The following TNNI3K variants were observed in gnomAD, a reference collection of about 807,000 sequenced individuals.
TNNI3K encodes serine/threonine-protein kinase TNNI3K.
In TNNI3K, 140 loss-of-function variants were observed where a neutral mutation model predicts 114.5. The observed-to-expected ratio is 1.22, with a 90% CI of 1.07 to 1.41. TNNI3K has a LOEUF of 1.41. Among genes scored for constraint, TNNI3K ranks in the 40% most tolerant of loss-of-function variants. TNNI3K has a pLI of 0.00. For missense variants in TNNI3K, 1,125 were observed against 1,007.6 expected, an observed-to-expected ratio of 1.12 and a Z score of -1.58; for synonymous variants, 347 against 347.5, an observed-to-expected ratio of 1.00 and a Z score of 0.02.
At chr1:74,445,176 G>C (rs941022778) in intron 20 of TNNI3K, among the ~76,000 whole-genome samples, 1 of 151,210 alleles carries the variant, frequency 6.6e-6, no homozygotes, top group African/African-American at 2.4e-5. Context: ...AGCAAAAATT[G>C]ACAAACGTGA....
At chr1:74,470,183 G>A (rs1055697960) in intron 21 of TNNI3K, 9 of 400,514 alleles carry the variant, frequency 2.2e-5, no homozygotes, top group Non-Finnish European at 4.0e-5. Flanking sequence ...TGGGTTTCAT[G>A]GGAACTTGTG....
intron 5 of TNNI3K, among the ~76,000 whole-genome samples, chr1:74,314,045 T>TTATACATATA (rs1659148262): frequency 1.6e-4 from 1 of 6,352 alleles, no homozygotes; most frequent in African/African-American, 2.1e-4. Context: ...AGAAAGTTCA[T>TTATACATATA]TATATATATA....
chr1:74,410,419 C>A (rs904548954), intron 17 of TNNI3K, among the ~76,000 whole-genome samples: 1 of 152,162 alleles, frequency 6.6e-6, no homozygotes. Flanking sequence ...TTCCACTACT[C>A]CAGGCTCCCT....
intron 21 of TNNI3K, among the ~76,000 whole-genome samples, chr1:74,487,933 G>A (rs1247279250): frequency 2.0e-5 from 3 of 152,120 alleles, no homozygotes; most frequent in Admixed American, 6.6e-5. Context: ...GAGCATGGAG[G>A]GGTGGAGGCA....
chr1:74,370,190 G>A (rs1465245377), intron 16 of TNNI3K, 98 bp from the exon 17 acceptor site: 34 of 1,061,000 alleles, frequency 3.2e-5, no homozygotes, highest in Non-Finnish European at 4.2e-5. Context: ...ACAAAAAATG[G>A]TTAAGATGAT....
At chr1:74,412,569 A>G (rs699844) in intron 17 of TNNI3K, among the ~76,000 whole-genome samples, 18,960 of 152,164 alleles carry the variant, frequency 0.12, 1,720 homozygotes, top group African/African-American at 0.25. Context: ...CGTTGACTCA[A>G]TGACATCAGG....
intron 5 of TNNI3K, among the ~76,000 whole-genome samples, chr1:74,327,239 A>C (rs1659959107): frequency 6.6e-6 from 1 of 151,388 alleles, no homozygotes; most frequent in Non-Finnish European, 1.5e-5. Flanking sequence ...TTATACTATC[A>C]AAATAAAGAG....
At chr1:74,253,646 G>GCCAAGC (rs1557452108) in intron 4 of TNNI3K, among the ~76,000 whole-genome samples, 3 of 151,986 alleles carry the variant, frequency 2.0e-5, no homozygotes, top group African/African-American at 7.2e-5. Flanking sequence ...GTGCGGGCCC[G>GCCAAGC]CCAAGCCCAC....
chr1:74,368,878 T>TA lies in TNNI3K; in HGVS notation c.1322-142dup, dbSNP rs974785195. On this transcript the variant is annotated intron_variant, in intron 13 of 24. Transcript: ENST00000326637. ...ATTTGGGTTAAGGTTTTAGCATCTT[T>TA]AAGTAGTCAATTACAGTTGGAAAAT... 18 of 700,252 alleles carry TA rather than the reference T, an allele frequency of 2.6e-5. No homozygotes were observed. The African/African-American group carries it at 3.4e-4, about 13-fold the overall frequency. The allele number at this position is 700,252 out of a possible 1,614,324, so 43.4% of individuals were successfully genotyped here.
intron 17 of TNNI3K, among the ~76,000 whole-genome samples, chr1:74,394,780 C>G (rs149405932): frequency 4.6e-5 from 7 of 152,210 alleles, no homozygotes; most frequent in Non-Finnish European, 8.8e-5. Context: ...CGCAGTGGCT[C>G]ACGCCTGTAA....
intron 17 of TNNI3K, among the ~76,000 whole-genome samples, chr1:74,379,679 T>C (rs1663097244): frequency 6.6e-6 from 1 of 152,140 alleles, no homozygotes; most frequent in Admixed American, 6.6e-5. Context: ...CTTCCTGGTT[T>C]TTCTCTGAGG....
At chr1:74,445,948 A>G (rs1313982594) in intron 20 of TNNI3K, among the ~76,000 whole-genome samples, 1 of 152,180 alleles carries the variant, frequency 6.6e-6, no homozygotes, top group African/African-American at 2.4e-5. Context: ...ATTGTTGGAC[A>G]TTTGGGTTGG....
At chr1:74,315,637 T>C (rs753302046) in intron 5 of TNNI3K, among the ~76,000 whole-genome samples, 1 of 152,074 alleles carries the variant, frequency 6.6e-6, no homozygotes, top group Non-Finnish European at 1.5e-5. Flanking sequence ...ATTTTGCAGC[T>C]ATGATTATAA....
At chr1:74,435,292 T>C (rs532316731) in intron 17 of TNNI3K, among the ~76,000 whole-genome samples, 3 of 152,096 alleles carry the variant, frequency 2.0e-5, no homozygotes, top group South Asian at 4.1e-4. Flanking sequence ...TCTGCCCTTA[T>C]TGAGGTATAA....
chr1:74,328,774 T>C (rs2100405169), intron 5 of TNNI3K, among the ~76,000 whole-genome samples: 1 of 152,262 alleles, frequency 6.6e-6, no homozygotes, highest in South Asian at 2.1e-4. Flanking sequence ...CTAAGAACTC[T>C]TATCTTTTAG....
chr1:74,244,897 C>T (rs1654459786), intron 2 of TNNI3K, among the ~76,000 whole-genome samples: 1 of 151,946 alleles, frequency 6.6e-6, no homozygotes, highest in South Asian at 2.1e-4. Flanking sequence ...TTGCATTTTT[C>T]ATTCTTTGAG....
At chr1:74,368,877 TTAAG>T (rs1662428878) in intron 13 of TNNI3K, 141 bp from the exon 14 acceptor site, 8 of 697,872 alleles carry the variant, frequency 1.1e-5, no homozygotes, top group Non-Finnish European at 1.6e-5. Flanking sequence ...TTTAGCATCT[TTAAG>T]TAGTCAATTA....
At chr1:74,391,957 ATTTTT>A (rs34656417) in intron 17 of TNNI3K, among the ~76,000 whole-genome samples, 4 of 93,040 alleles carry the variant, frequency 4.3e-5, no homozygotes, top group South Asian at 3.6e-4. Flanking sequence ...ACAGCTTATT[ATTTTT>A]TTTTTTTTTT....
intron 4 of TNNI3K, among the ~76,000 whole-genome samples, chr1:74,253,116 T>C (rs1281020880): frequency 2.0e-5 from 3 of 152,154 alleles, no homozygotes; most frequent in Non-Finnish European, 4.4e-5. Context: ...AGAGTGCCAA[T>C]TGGTGCATCC....
Sources: gnomAD v4.1 joint callset for allele counts (sites outside exome capture counted in the v4.1 genomes callset) on GRCh38, gnomAD v4.1.1 for gene constraint, MANE v1.5 for transcripts, NCBI Gene and HGNC (gene_info 2026-07-23, HGNC 2026-07-21) for gene names.